B4GALNT2: variants seen among roughly 807,000 people sequenced by gnomAD.
The protein encoded by B4GALNT2 is beta-1,4-N-acetyl-galactosaminyltransferase 2 (SID blood group), also known as N-acetylneuraminylgalactosylglucosyl-glucoside beta-1,4-N- acetylgalactosaminyltransferase 2.
In B4GALNT2, 42 loss-of-function variants were observed where a neutral mutation model predicts 51.1. The ratio of observed to expected loss-of-function variants is 0.82; its 90% confidence interval spans 0.64 to 1.06. The LOEUF (loss-of-function observed/expected upper bound fraction) is 1.06, where lower values mean the gene tolerates loss of function less well. Ranked by LOEUF, B4GALNT2 falls within the 50% of genes least tolerant of loss-of-function variation. The pLI is 0.00. For missense variants in B4GALNT2, 602 were observed against 633.6 expected, an observed-to-expected ratio of 0.95 and a Z score of 0.54; for synonymous variants, 253 against 251.7, an observed-to-expected ratio of 1.01 and a Z score of -0.05.
intron 4 of B4GALNT2, among the ~76,000 whole-genome samples, chr17:49,155,938 A>T (rs1042964612): frequency 3.9e-5 from 6 of 151,994 alleles, no homozygotes; most frequent in African/African-American, 1.5e-4. Context: ...CGTGTTAGCC[A>T]GGATGATCTC....
chr17:49,168,721 T>G lies in B4GALNT2; in HGVS notation c.1136T>G (p.Leu379Trp). The G allele has an allele frequency of 6.2e-7, 1 of 1,614,090 alleles. No homozygotes were observed. Among genetic ancestry groups the G allele is most frequent in the South Asian group, 1.1e-5 (1 of 91,070 alleles). The change falls in exon 10 of 11, where the codon TTG becomes TGG. Residue 379 changes from leucine (L) to tryptophan (W), a missense_variant. Transcript: ENST00000393354. The stretch of plus-strand genomic sequence containing the variant: ...CTGGGAAATGTGTTCCAGTTTAAGT[T>G]GTTGCTGGAACAGAGTGAGAATGGG... ...SVLGNVFQFKLLLEQSENGAC... is the reference protein window; with the variant it reads ...SVLGNVFQFKWLLEQSENGAC...
chr17:49,138,985 G>A (rs62079764), intron 1 of B4GALNT2, among the ~76,000 whole-genome samples: 21,627 of 151,972 alleles, frequency 0.14, 1,996 homozygotes, highest in East Asian at 0.43. Context: ...CTTGGCAGGG[G>A]GTCTAGAACA....
intron 3 of B4GALNT2, among the ~76,000 whole-genome samples, chr17:49,142,785 C>G (rs1036550291): frequency 6.6e-6 from 1 of 152,100 alleles, no homozygotes; most frequent in Non-Finnish European, 1.5e-5. Flanking sequence ...CTCCATGCAC[C>G]CAGGCCATCA....
rs1189361452 is a variant in B4GALNT2, at chr17:49,169,667, C to A, written c.1460C>A (p.Thr487Asn). Reference protein sequence around the residue: ...TYNTYRSNTLTRVQFKLALHY... With the variant: ...TYNTYRSNTLNRVQFKLALHY... ...AATACATACCGGTCCAACACCCTCA[C>A]CCGGGTCCAGTTCAAGCTGGCCCTC... The change falls in exon 11 of 11, where the codon ACC becomes AAC. Residue 487 changes from threonine to asparagine, a missense_variant. Coordinates refer to ENST00000393354, the MANE Select transcript of B4GALNT2 (RefSeq NM_001159387.2). 6.2e-7 allele frequency: 1 copy of A among 1,608,596 alleles called. No individual in the cohort carries two copies. The highest frequency in any genetic ancestry group is 1.7e-5 in the Admixed American group (1 of 59,820).
chr17:49,128,388 G>A (rs1462083942), upstream of B4GALNT2, among the ~76,000 whole-genome samples: 1 of 152,180 alleles, frequency 6.6e-6, no homozygotes, highest in East Asian at 1.9e-4. Context: ...GGGTTCAGAT[G>A]GGTGAGGAGC....
intron 1 of B4GALNT2, among the ~76,000 whole-genome samples, chr17:49,135,376 T>C (rs2042580278): frequency 6.6e-6 from 1 of 151,718 alleles, no homozygotes; most frequent in Non-Finnish European, 1.5e-5. Context: ...AGTTTCACTT[T>C]GCAACCTCCG....
At chr17:49,133,352 A>T in intron 1 of B4GALNT2, 2 of 1,039,800 alleles carry the variant, frequency 1.9e-6, no homozygotes, top group Non-Finnish European at 2.6e-6. Flanking sequence ...CGCAGGGCAG[A>T]GTGAGCTGCG....
rs1252262333 is a variant in B4GALNT2, at chr17:49,174,563, C to G, written c.*4835C>G. 6.6e-6 allele frequency: 1 copy of G among 152,264 alleles called. No homozygotes were observed. Among genetic ancestry groups the G allele is most frequent in the South Asian group, 2.1e-4 (1 of 4,816 alleles). 9.4% of individuals were successfully genotyped at this position (152,264 alleles called of 1,614,324 possible). A position where few individuals can be genotyped will look rare whatever the true frequency, so the allele number is the denominator to read the frequency against. ...AGGTTGTATAACTGAATTAATGGCT[C>G]TTAAGTCAGTTAACAGTCTCCATGT... On this transcript the variant is annotated 3_prime_UTR_variant, in exon 11 of 11. Coordinates refer to ENST00000393354, the MANE Select transcript of B4GALNT2 (RefSeq NM_001159387.2).
intron 3 of B4GALNT2, among the ~76,000 whole-genome samples, chr17:49,151,737 T>G (rs2042756830): frequency 6.9e-6 from 1 of 144,074 alleles, no homozygotes; most frequent in African/African-American, 2.7e-5. Context: ...CTAGCGAGAC[T>G]CTGTCACAAA....
Position 49,164,105 on chromosome 17 carries a change from C to G in B4GALNT2, c.784C>G (p.Leu262Val). The G allele has an allele frequency of 6.2e-7, 1 of 1,614,070 alleles. No homozygotes were observed. The highest frequency in any genetic ancestry group is 8.5e-7 in the Non-Finnish European group (1 of 1,179,954). Residue 262 changes from leucine (L) to valine (V), a missense_variant, in exon 8 of 11, where the codon CTG becomes GTG. Coordinates refer to ENST00000393354, the MANE Select transcript of B4GALNT2 (RefSeq NM_001159387.2). ...CTGCCCAGAGAGGAAGCTCAGAAACCTGGTTACCATTGCTACCAAGACTTT... is the reference window on the plus strand; with the variant it reads ...CTGCCCAGAGAGGAAGCTCAGAAACGTGGTTACCATTGCTACCAAGACTTT... Reference protein sequence around the residue: ...DPGPERKLRNLVTIATKTFLR... With the variant: ...DPGPERKLRNVVTIATKTFLR...
chr17:49,137,320 G>A (rs549355750), intron 1 of B4GALNT2, among the ~76,000 whole-genome samples: 2 of 152,308 alleles, frequency 1.3e-5, no homozygotes, highest in African/African-American at 2.4e-5. Context: ...AGGGCTCTGC[G>A]CTCATGAATG....
chr17:49,164,341 AC>A, intron 8 of B4GALNT2, 66 bp downstream of exon 8: 1 of 1,455,610 alleles, frequency 6.9e-7, no homozygotes, highest in Non-Finnish European at 9.5e-7. Flanking sequence ...GTCAGGTTCT[AC>A]CCTGGATGGG....
At position 49,174,375 on chromosome 17, in the gene B4GALNT2, C is replaced by T. The variant is rs2042975306; in HGVS notation, c.*4647C>T. The T allele has an allele frequency of 6.6e-6, 1 of 152,184 alleles. No homozygotes were observed. The highest frequency in any genetic ancestry group is 2.4e-5 in the African/African-American group (1 of 41,436). 9.4% of individuals were successfully genotyped at this position (152,184 alleles called of 1,614,324 possible). On this transcript the variant is annotated 3_prime_UTR_variant, in exon 11 of 11. Transcript: ENST00000393354. ...AACAGTTTCCAGTGAAAATGCTTAGCAGGCTGCAGGTTGTTTACTGCAGGA... is the reference window on the plus strand; with the variant it reads ...AACAGTTTCCAGTGAAAATGCTTAGTAGGCTGCAGGTTGTTTACTGCAGGA...
Position 49,168,824 on chromosome 17 carries a change from C to G in B4GALNT2, c.1239C>G (p.Val413=). The G allele has an allele frequency of 6.2e-7, 1 of 1,613,834 alleles. No homozygotes were observed. Among genetic ancestry groups the G allele is most frequent in the Non-Finnish European group, 8.5e-7 (1 of 1,180,026 alleles). The change falls in exon 10 of 11, where the codon GTC becomes GTG. Residue 413 remains valine, a synonymous_variant. Coordinates refer to ENST00000393354, the MANE Select transcript of B4GALNT2 (RefSeq NM_001159387.2). ...FPSCVVTSGV[V]NFFLAHTERL... The stretch of plus-strand genomic sequence containing the variant: ...GCTGCGTGGTGACCAGTGGCGTGGT[C>G]AACTTCTTCCTGGCCCACACGGAGC...
chr17:49,126,370 T>C, the B4GALNT2 span, among the ~76,000 whole-genome samples: 6 of 152,094 alleles, frequency 3.9e-5, no homozygotes, highest in East Asian at 1.9e-4. Flanking sequence ...TGCGGAAGGC[T>C]GCAGGGTGCT....
upstream of B4GALNT2, chr17:49,132,703 T>A (rs2144261620): frequency 7.4e-7 from 1 of 1,349,848 alleles, no homozygotes; most frequent in Non-Finnish European, 9.6e-7. Flanking sequence ...TCGCCGAGAA[T>A]TTGCCCGGGT....
rs139438767 is a variant in B4GALNT2 at position 49,138,842 on chromosome 17, A to G, written c.15-2405A>G. ...CAGTGAGCTGAGATTGTGCCACTGCACTCCAGCCTGGGTGACAAAGCGAGA... is the reference window on the plus strand; with the variant it reads ...CAGTGAGCTGAGATTGTGCCACTGCGCTCCAGCCTGGGTGACAAAGCGAGA... On this transcript the variant is annotated intron_variant, in intron 1 of 10. Coordinates refer to ENST00000393354, the MANE Select transcript of B4GALNT2 (RefSeq NM_001159387.2). Among the ~76,000 whole-genome samples, 1,328 of 152,308 alleles carry G rather than the reference A, an allele frequency of 8.7e-3. 22 individuals carry two copies. Among genetic ancestry groups the G allele is most frequent in the African/African-American group, 0.03 (1,251 of 41,570 alleles).
At chr17:49,159,436 G>C (rs1567864189) in intron 6 of B4GALNT2, among the ~76,000 whole-genome samples, 1 of 152,290 alleles carries the variant, frequency 6.6e-6, no homozygotes, top group East Asian at 1.9e-4. Flanking sequence ...CCGCCTCCCA[G>C]GTTCAAGTTA....
intron 1 of B4GALNT2, chr17:49,133,274 G>C (rs2042558099): frequency 3.5e-6 from 5 of 1,436,694 alleles, no homozygotes; most frequent in Non-Finnish European, 4.5e-6. Context: ...GGGGAGCCCG[G>C]CGGCTTGGTC....
Sources: allele counts gnomAD v4.1 joint callset (sites outside exome capture counted in the v4.1 genomes callset), GRCh38; gene constraint gnomAD v4.1.1; transcripts MANE v1.5; gene names NCBI Gene and HGNC (gene_info 2026-07-23, HGNC 2026-07-21).